The following ZNF331 variants were observed in gnomAD, a reference collection of about 807,000 sequenced individuals.
ZNF331 encodes the protein zinc finger protein 331, also known as C2H2-like zinc finger protein rearranged in thyroid adenomas.
In ZNF331, 2 loss-of-function variants were observed where a neutral mutation model predicts 7.0. That is an observed-to-expected ratio of 0.29 (90% CI 0.12 to 0.90). ZNF331 has a LOEUF of 0.90. Ranked by LOEUF, ZNF331 falls within the 40% of genes least tolerant of loss-of-function variation. The pLI, the probability that ZNF331 is intolerant of heterozygous loss-of-function variation, is 0.58. For synonymous variants in ZNF331, 196 were observed against 205.4 expected (o/e 0.95, Z 0.39); for missense variants, 432 against 587.7 (o/e 0.74, Z 2.74).
chr19:53,570,131 C>G (rs940624163), intron 4 of ZNF331, among the ~76,000 whole-genome samples: 1 of 151,896 alleles, frequency 6.6e-6, no homozygotes, highest in African/African-American at 2.4e-5. Context: ...TGGCATGTGT[C>G]CATAATCCCA....
At chr19:53,549,713 T>C (rs2088860338) in intron 2 of ZNF331, among the ~76,000 whole-genome samples, 1 of 151,404 alleles carries the variant, frequency 6.6e-6, no homozygotes, top group Non-Finnish European at 1.5e-5. Context: ...AAAAAAATTT[T>C]TTTTTAAAAA....
chr19:53,551,522 T>G (rs2147422531), intron 2 of ZNF331, among the ~76,000 whole-genome samples: 1 of 152,152 alleles, frequency 6.6e-6, no homozygotes, highest in South Asian at 2.1e-4. Flanking sequence ...TCTCATATAT[T>G]TACACCTTAT....
intron 3 of ZNF331, among the ~76,000 whole-genome samples, 159 bp from the exon 4 acceptor site, chr19:53,569,145 C>T (rs934339700): frequency 5.3e-5 from 8 of 152,008 alleles, no homozygotes; most frequent in African/African-American, 1.4e-4. Flanking sequence ...CGTGAGCCAC[C>T]GCACCTGGCC....
chr19:53,507,705 G>C, the ZNF331 span, among the ~76,000 whole-genome samples: 1 of 152,228 alleles, frequency 6.6e-6, no homozygotes, highest in Non-Finnish European at 1.5e-5. Context: ...TCCGCTCAAC[G>C]GTCAGACTTG....
chr19:53,577,642 G>A lies in ZNF331; in HGVS notation c.1082G>A (p.Gly361Glu), dbSNP rs2090780539. ...AAGCCGTACAAGTGCACAGAATGTG[G>A]GAAGGCCTTCAATTGTGGCTATCAC... Reference protein sequence around the residue: ...GEKPYKCTECGKAFNCGYHLT... With the variant: ...GEKPYKCTECEKAFNCGYHLT... The change falls in exon 6 of 6, where the codon GGG becomes GAG. Residue 361 changes from glycine to glutamate, a missense_variant. Physicochemically the swap from Gly to Glu is moderately conservative, Grantham distance 98 (BLOSUM62 -2). Transcript: ENST00000449416. 1 of 1,613,956 alleles carries A rather than the reference G, an allele frequency of 6.2e-7. No individual in the cohort carries two copies. Among genetic ancestry groups the A allele is most frequent in the African/African-American group, 1.3e-5 (1 of 74,896 alleles).
chr19:53,578,875 A>G lies in ZNF331; in HGVS notation c.*923A>G, dbSNP rs1461933178. The stretch of plus-strand genomic sequence containing the variant: ...GAGTGCAGTGGCACGGTCTTGGCTC[A>G]CTGCAACCTCCACCTCCCAGGTTCC... On this transcript the variant is annotated 3_prime_UTR_variant, in exon 6 of 6. Transcript: ENST00000449416. The G allele has an allele frequency of 1.6e-5, 3 of 184,472 alleles. No individual in the cohort carries two copies. The highest frequency in any genetic ancestry group is 3.4e-5 in the Non-Finnish European group (3 of 87,132). 11.4% of individuals were successfully genotyped at this position (184,472 alleles called of 1,614,324 possible).
chr19:53,533,670 A>G (rs529850985), upstream of ZNF331, among the ~76,000 whole-genome samples: 3 of 152,284 alleles, frequency 2.0e-5, no homozygotes, highest in East Asian at 5.8e-4. Flanking sequence ...ACACGATCCA[A>G]TGTTGGGTAC....
In ZNF331 at chr19:53,578,060, A is replaced by C; in HGVS notation, c.*108A>C. The stretch of plus-strand genomic sequence containing the variant: ...AAATATTAAATGGAAAATTCCAGAA[A>C]TAAAGAATTTTAAGTCTCAAATGGT... On this transcript the variant is annotated 3_prime_UTR_variant, in exon 6 of 6. Transcript: ENST00000449416. The C allele has an allele frequency of 7.5e-7, 1 of 1,334,610 alleles. No homozygotes were observed. Among genetic ancestry groups the C allele is most frequent in the South Asian group, 1.5e-5 (1 of 64,962 alleles). The allele number at this position is 1,334,610 out of a possible 1,614,324, so 82.7% of individuals were successfully genotyped here. A position where few individuals can be genotyped will look rare whatever the true frequency, so the allele number is the denominator to read the frequency against.
upstream of ZNF331, among the ~76,000 whole-genome samples, chr19:53,517,030 A>G (rs576204326): frequency 1.5e-4 from 23 of 152,200 alleles, no homozygotes; most frequent in Non-Finnish European, 3.2e-4. Flanking sequence ...GTTCACAAGT[A>G]CACACTCACA....
intron 2 of ZNF331, among the ~76,000 whole-genome samples, chr19:53,552,347 A>C (rs2089064363): frequency 6.6e-6 from 1 of 152,172 alleles, no homozygotes; most frequent in African/African-American, 2.4e-5. Flanking sequence ...CATTCTTAAC[A>C]TCAGGCTCTG....
intron 2 of ZNF331, among the ~76,000 whole-genome samples, chr19:53,532,020 T>C (rs1053847216): frequency 1.2e-4 from 18 of 152,234 alleles, no homozygotes; most frequent in African/African-American, 3.9e-4. Context: ...GTGCTTATTA[T>C]GTACAACATT....
In ZNF331 at chr19:53,539,255, C is replaced by T. The variant is rs977434374; in HGVS notation, c.-165C>T. On this transcript the variant is annotated 5_prime_UTR_variant, in exon 2 of 6. The change creates a new upstream start codon in the 5' untranslated region. Transcript: ENST00000449416. The surrounding 1 kb of genome is among the most constrained non-coding windows in gnomAD (Gnocchi z 6.1). ...GAAAAAGCATCCCCGAGGAGGAAGA[C>T]GAATCGTTAAACATCTGAAAGGGTC... 16 of 151,978 alleles carry T rather than the reference C, an allele frequency of 1.1e-4. No individual in the cohort carries two copies. Among genetic ancestry groups the T allele is most frequent in the African/African-American group, 3.9e-4 (16 of 41,414 alleles). The allele number at this position is 151,978 out of a possible 1,614,324, so 9.4% of individuals were successfully genotyped here. A position where few individuals can be genotyped will look rare whatever the true frequency, so the allele number is the denominator to read the frequency against.
chr19:53,530,671 G>A (rs1309418064), intron 2 of ZNF331, among the ~76,000 whole-genome samples: 1 of 152,158 alleles, frequency 6.6e-6, no homozygotes, highest in Non-Finnish European at 1.5e-5. Context: ...AACAACTGTC[G>A]GTATGTACAG....
chr19:53,542,071 C>T (rs2147335389), intron 2 of ZNF331, among the ~76,000 whole-genome samples: 1 of 151,938 alleles, frequency 6.6e-6, no homozygotes, highest in South Asian at 2.1e-4. Flanking sequence ...TGCCTCTAAG[C>T]ATGTGTGTGT....
At chr19:53,548,274 A>AT (rs894648270) in intron 2 of ZNF331, among the ~76,000 whole-genome samples, 134 of 148,982 alleles carry the variant, frequency 9.0e-4, no homozygotes, top group African/African-American at 2.0e-3. Context: ...CGCCCGGCTA[A>AT]TTTTTTTTTT....
intron 2 of ZNF331, among the ~76,000 whole-genome samples, chr19:53,524,009 C>T (rs899777680): frequency 1.1e-4 from 16 of 152,148 alleles, no homozygotes; most frequent in Admixed American, 5.2e-4. Flanking sequence ...TGAGAACATG[C>T]GGTGTTTGGT....
intron 2 of ZNF331, chr19:53,555,127 G>C (rs924658327): frequency 6.7e-6 from 1 of 148,474 alleles, no homozygotes; most frequent in African/African-American, 2.5e-5. Flanking sequence ...GTGTGTGACA[G>C]CACAACCTGT....
At position 53,576,738 on chromosome 19, in the gene ZNF331, A is replaced by G. The variant is rs2090742703; in HGVS notation, c.178A>G (p.Lys60Glu). ...AYENKSLPTE[K>E]NIHEIRASKR... ...TGAAAATAAGAGTTTACCTACAGAA[A>G]AAAACATTCATGAAATAAGGGCTTC... The change falls in exon 6 of 6, where the codon AAA becomes GAA. Residue 60 changes from lysine (K) to glutamate (E), a missense_variant. By Grantham distance (56) the Lys-to-Glu change is moderately conservative (BLOSUM62 1). Transcript: ENST00000449416. 1.2e-6 allele frequency: 2 copies of G among 1,611,978 alleles called. No individual in the cohort carries two copies. The highest frequency in any genetic ancestry group is 1.7e-6 in the Non-Finnish European group (2 of 1,179,466).
rs1294679128 is a variant in ZNF331 at position 53,573,427 on chromosome 19, A to T, written c.136+1697A>T. ...CTACTTGGGAGGCTGAGGCAGGAGAATCACTTGAACCCGGGAGGTAGAGGT... is the reference window on the plus strand; with the variant it reads ...CTACTTGGGAGGCTGAGGCAGGAGATTCACTTGAACCCGGGAGGTAGAGGT... On this transcript the variant is annotated intron_variant, in intron 5 of 5. Transcript: ENST00000449416. The surrounding 1 kb of genome is among the most constrained non-coding windows in gnomAD (Gnocchi z 4.2). 6.6e-6 allele frequency among the ~76,000 whole-genome samples: 1 copy of T among 152,032 alleles called. No individual in the cohort carries two copies. The highest frequency in any genetic ancestry group is 2.4e-5 in the African/African-American group (1 of 41,396).
Sources: allele counts gnomAD v4.1 joint callset (sites outside exome capture counted in the v4.1 genomes callset), GRCh38; gene constraint gnomAD v4.1.1; non-coding constraint Gnocchi (gnomAD v3.1); transcripts MANE v1.5; gene names NCBI Gene and HGNC (gene_info 2026-07-23, HGNC 2026-07-21).